Variants in EDDM13 observed in about 807,000 individuals in gnomAD.
The protein encoded by EDDM13 is epididymal protein 13.
Under a neutral mutation model 17.8 loss-of-function variants are expected in EDDM13, and 24 were observed. That is an observed-to-expected ratio of 1.35 (90% CI 0.98 to 1.90). The LOEUF is 1.90. EDDM13 is among the 40% of genes most tolerant of loss of function. The pLI is 0.00. For missense variants in EDDM13, 97 were observed against 100.8 expected, an observed-to-expected ratio of 0.96 and a Z score of 0.16; for synonymous variants, 31 against 37.5, an observed-to-expected ratio of 0.83 and a Z score of 0.63.
In EDDM13 at chr19:56,297,617, A is replaced by C. The variant is rs1028958444; in HGVS notation, c.295+86A>C. 7.4e-6 allele frequency: 6 copies of C among 806,386 alleles called. No homozygotes were observed. In the African/African-American group the frequency reaches 1.2e-4, roughly 17 times the overall value. 50.0% of individuals were successfully genotyped at this position (806,386 alleles called of 1,614,324 possible). On this transcript the variant is annotated intron_variant, in intron 12 of 14. Transcript: ENST00000649256. The stretch of plus-strand genomic sequence containing the variant: ...CTATGATAAAGCCTTAGAAGAGAAG[A>C]TTTCAGGTAATCAAGGCCCTGCAGG...
At chr19:56,297,165 A>G (rs890708672) in intron 11 of EDDM13, among the ~76,000 whole-genome samples, 5 of 152,102 alleles carry the variant, frequency 3.3e-5, no homozygotes, top group African/African-American at 1.2e-4. Flanking sequence ...ACTGGGGGAA[A>G]GGCATTCCAG....
In EDDM13 at chr19:56,306,347, T is replaced by C. The variant is rs375756738; in HGVS notation, c.461+1517T>C. Reference sequence around the variant, plus strand: ...AGATGGGAGATTTCTCTTCCCTTGATAGCTACAAAGAGGCTCCTCCCTGGC... The same window carrying C: ...AGATGGGAGATTTCTCTTCCCTTGACAGCTACAAAGAGGCTCCTCCCTGGC... On this transcript the variant is annotated intron_variant, in intron 14 of 14. Coordinates refer to ENST00000649256, the MANE Select transcript of EDDM13 (RefSeq NM_001354658.2). 1.2e-3 allele frequency among the ~76,000 whole-genome samples: 146 copies of C among 119,538 alleles called. 2 individuals are homozygous for C. Among genetic ancestry groups the C allele is most frequent in the Admixed American group, 0.01 (119 of 11,650 alleles). The allele number at this position is 119,538 out of a possible 152,430, so 78.4% of individuals were successfully genotyped here.
intron 2 of EDDM13, among the ~76,000 whole-genome samples, chr19:56,279,181 C>T (rs1184899108): frequency 6.6e-6 from 1 of 152,198 alleles, no homozygotes; most frequent in Non-Finnish European, 1.5e-5. Flanking sequence ...ATCACATCCC[C>T]TGAAAGGATC....
intron 6 of EDDM13, among the ~76,000 whole-genome samples, chr19:56,285,290 C>G (rs1369608840): frequency 1.3e-5 from 2 of 152,138 alleles, no homozygotes; most frequent in East Asian, 3.8e-4. Flanking sequence ...ATCGAGGAAA[C>G]ATAAAATGAA....
At chr19:56,288,513 C>T (rs2039290082) in intron 7 of EDDM13, among the ~76,000 whole-genome samples, 75 bp downstream of exon 7, 1 of 152,166 alleles carries the variant, frequency 6.6e-6, no homozygotes, top group African/African-American at 2.4e-5. Context: ...CCCAACGATA[C>T]CCCACTTTTG....
intron 1 of EDDM13, chr19:56,274,987 T>C (rs995092718): frequency 6.6e-6 from 1 of 152,206 alleles, no homozygotes; most frequent in Non-Finnish European, 1.5e-5. Flanking sequence ...TTTCTCATGA[T>C]TGGATTGAGA....
chr19:56,276,180 A>G (rs1407103952), intron 2 of EDDM13, among the ~76,000 whole-genome samples, 71 bp downstream of exon 2: 1 of 151,746 alleles, frequency 6.6e-6, no homozygotes, highest in Non-Finnish European at 1.5e-5. Flanking sequence ...CGATCTTGCA[A>G]CCTCTCTGGC....
At chr19:56,302,470 TCCC>T (rs2040324428) in intron 13 of EDDM13, among the ~76,000 whole-genome samples, 1 of 133,616 alleles carries the variant, frequency 7.5e-6, no homozygotes, top group South Asian at 2.7e-4. Flanking sequence ...GCTTCCTCCC[TCCC>T]TTCTTCCTTC....
chr19:56,285,339 T>C (rs980087722), intron 6 of EDDM13, among the ~76,000 whole-genome samples: 2 of 152,186 alleles, frequency 1.3e-5, no homozygotes, highest in Non-Finnish European at 1.5e-5. Flanking sequence ...CCGGCTCTGC[T>C]CTCTAGAAGC....
Position 56,304,675 on chromosome 19 carries a change from G to C in EDDM13, c.424-118G>C, listed in dbSNP as rs896156573. On this transcript the variant is annotated intron_variant, in intron 13 of 14. Coordinates refer to ENST00000649256, the MANE Select transcript of EDDM13 (RefSeq NM_001354658.2). Reference sequence around the variant, plus strand: ...GTTACAACCAGAGGGAAAGAGCAGAGGGGGAGGACGGGAAAGAAGCGAGAG... The same window carrying C: ...GTTACAACCAGAGGGAAAGAGCAGACGGGGAGGACGGGAAAGAAGCGAGAG... 4.5e-5 allele frequency: 21 copies of C among 464,060 alleles called. No individual in the cohort carries two copies. In the Admixed American group the frequency reaches 5.8e-4, roughly 13 times the overall value. The allele number at this position is 464,060 out of a possible 1,614,324, so 28.7% of individuals were successfully genotyped here. A position where few individuals can be genotyped will look rare whatever the true frequency, so the allele number is the denominator to read the frequency against.
chr19:56,284,365 G>C (rs537937014), intron 5 of EDDM13, among the ~76,000 whole-genome samples, 159 bp downstream of exon 5: 1 of 152,262 alleles, frequency 6.6e-6, no homozygotes, highest in African/African-American at 2.4e-5. Context: ...AAGAATTTCT[G>C]AGTATCTAGT....
chr19:56,282,661 G>GAACAAC (rs201997424), intron 4 of EDDM13, among the ~76,000 whole-genome samples, 162 bp downstream of exon 4: 1 of 152,094 alleles, frequency 6.6e-6, no homozygotes, highest in African/African-American at 2.4e-5. Context: ...GTCCTTTGAT[G>GAACAAC]AACAACAACA....
At chr19:56,276,232 T>G (rs1201418890) in intron 2 of EDDM13, among the ~76,000 whole-genome samples, 123 bp downstream of exon 2, 10 of 152,216 alleles carry the variant, frequency 6.6e-5, no homozygotes. Flanking sequence ...TGCACAGACC[T>G]GCCATGGGGT....
chr19:56,296,866 T>C (rs868550152), intron 11 of EDDM13, among the ~76,000 whole-genome samples: 1 of 152,156 alleles, frequency 6.6e-6, no homozygotes, highest in African/African-American at 2.4e-5. Context: ...AAACTCCGTC[T>C]CTACTAAAAT....
rs118090565 is a variant in EDDM13, at chr19:56,281,075, T to A, written c.104-618T>A. Among the ~76,000 whole-genome samples the A allele has an allele frequency of 4.7e-3, 713 of 152,356 alleles. 2 individuals carry two copies. Among genetic ancestry groups the A allele is most frequent in the South Asian group, 0.011 (52 of 4,832 alleles). On this transcript the variant is annotated intron_variant, in intron 2 of 14. Transcript: ENST00000649256. ...ACAGTAGATTAACATATATTTTGTA[T>A]GTTACATATATTACATGCTGATTCT...
chr19:56,283,360 T>G (rs1025649698), intron 4 of EDDM13: 1 of 152,194 alleles, frequency 6.6e-6, no homozygotes, highest in African/African-American at 2.4e-5. Context: ...ATTATCTTCC[T>G]TCTTTATTGA....
intron 4 of EDDM13, among the ~76,000 whole-genome samples, 161 bp downstream of exon 4, chr19:56,282,660 T>C (rs116937686): frequency 0.027 from 4,070 of 152,274 alleles, 77 homozygotes; most frequent in Middle Eastern, 0.058. Context: ...TGTCCTTTGA[T>C]GAACAACAAC....
chr19:56,297,513 A>G lies in EDDM13; in HGVS notation c.277A>G (p.Ser93Gly). The change falls in exon 12 of 15, where the codon AGT becomes GGT. Residue 93 changes from serine to glycine, a missense_variant. Transcript: ENST00000649256. Reference sequence around the variant, plus strand: ...CATCTCTTCATTTTTAGAAGAAACAAGTGGCTGCAAGGAGGAAGGTAAGTG... The same window carrying G: ...CATCTCTTCATTTTTAGAAGAAACAGGTGGCTGCAAGGAGGAAGGTAAGTG... ...LSLQVLHEET[S>G]GCKEEVKPFS... 1 of 984,836 alleles carries G rather than the reference A, an allele frequency of 1.0e-6. No individual in the cohort carries two copies. The highest frequency in any genetic ancestry group is 1.2e-6 in the Non-Finnish European group (1 of 829,792). 61.0% of individuals were successfully genotyped at this position (984,836 alleles called of 1,614,324 possible).
chr19:56,280,666 T>A (rs528458698), intron 2 of EDDM13: 4 of 152,134 alleles, frequency 2.6e-5, no homozygotes, highest in Non-Finnish European at 5.9e-5. Flanking sequence ...GATTGAGGGG[T>A]TGGCATCTTG....
Sources: gnomAD v4.1 joint callset for allele counts (sites outside exome capture counted in the v4.1 genomes callset) on GRCh38, gnomAD v4.1.1 for gene constraint, MANE v1.5 for transcripts, NCBI Gene and HGNC (gene_info 2026-07-23, HGNC 2026-07-21) for gene names.